The following EFNA5 variants were observed in gnomAD, a reference collection of about 807,000 sequenced individuals.
EFNA5 encodes ephrin-A5.
A neutral mutation model predicts 22.9 loss-of-function variants in EFNA5; 5 were observed. The ratio of observed to expected loss-of-function variants is 0.22; its 90% CI spans 0.11 to 0.46. EFNA5 has a LOEUF of 0.46. Among genes scored for constraint, EFNA5 ranks in the 20% least tolerant of loss-of-function variants. The pLI, the probability that EFNA5 is intolerant of heterozygous loss-of-function variation, is 0.99. For missense variants in EFNA5, 237 were observed against 293.3 expected (o/e 0.81, Z 1.40); for synonymous variants, 113 against 112.2 (o/e 1.01, Z -0.04).
chr5:107,586,350 C>G (rs1749185959), intron 1 of EFNA5, among the ~76,000 whole-genome samples: 3 of 152,144 alleles, frequency 2.0e-5, no homozygotes, highest in Admixed American at 1.3e-4. Flanking sequence ...GTAAACAAAT[C>G]TCCATCCCTA....
At chr5:107,619,982 G>A (rs373152544) in intron 1 of EFNA5, among the ~76,000 whole-genome samples, 1 of 152,126 alleles carries the variant, frequency 6.6e-6, no homozygotes, top group Admixed American at 6.5e-5. Context: ...TCAGCCCGAG[G>A]GCACTAAATG....
chr5:107,411,130 A>T (rs994383244), intron 2 of EFNA5, among the ~76,000 whole-genome samples: 13 of 152,224 alleles, frequency 8.5e-5, no homozygotes, highest in African/African-American at 3.1e-4. Context: ...ATACTGTACA[A>T]CACACTAGAA....
chr5:107,497,033 G>A (rs1747005364), intron 1 of EFNA5, among the ~76,000 whole-genome samples: 1 of 152,164 alleles, frequency 6.6e-6, no homozygotes, highest in South Asian at 2.1e-4. Flanking sequence ...TCCCAAAGTA[G>A]GCACCTGTAG....
chr5:107,622,813 A>T (rs1750061862), intron 1 of EFNA5, among the ~76,000 whole-genome samples: 1 of 151,676 alleles, frequency 6.6e-6, no homozygotes, highest in Non-Finnish European at 1.5e-5. Flanking sequence ...TGAGGTCAGG[A>T]GATCGAGACC....
intron 1 of EFNA5, among the ~76,000 whole-genome samples, chr5:107,539,204 A>T (rs934967811): frequency 9.9e-5 from 15 of 152,218 alleles, no homozygotes; most frequent in African/African-American, 3.1e-4. Flanking sequence ...TTAAGGCCAC[A>T]TGTGCTAATT....
In EFNA5 at chr5:107,528,218, A is replaced by G. The variant is rs17160104; in HGVS notation, c.126-100709T>C. Among the ~76,000 whole-genome samples the G allele has an allele frequency of 2.9e-3, 441 of 152,162 alleles. 9 individuals are homozygous for G. The East Asian group carries it at 0.072, about 25-fold the overall frequency. ...ACAACTGACTGTGATAACAAGAAAA[A>G]ACCTCCATCTTCATCCCCAGAGCTT... On this transcript the variant is annotated intron_variant, in intron 1 of 4. Coordinates refer to ENST00000333274, the MANE Select transcript of EFNA5 (RefSeq NM_001962.3).
At chr5:107,619,313 T>C (rs1749988404) in intron 1 of EFNA5, among the ~76,000 whole-genome samples, 1 of 152,108 alleles carries the variant, frequency 6.6e-6, no homozygotes, top group African/African-American at 2.4e-5. Flanking sequence ...TGTAACTGAA[T>C]ATATTACATA....
At chr5:107,636,373 A>C (rs1234055252) in intron 1 of EFNA5, among the ~76,000 whole-genome samples, 1 of 152,232 alleles carries the variant, frequency 6.6e-6, no homozygotes, top group Non-Finnish European at 1.5e-5. Flanking sequence ...TTAATATTTC[A>C]TGGAGCCCAA....
intron 1 of EFNA5, among the ~76,000 whole-genome samples, chr5:107,569,585 A>ATATATATT (rs1561436021): frequency 1.0e-4 from 4 of 38,536 alleles, no homozygotes; most frequent in Middle Eastern, 0.013. Flanking sequence ...ATATATATAT[A>ATATATATT]TATATATATA....
intron 2 of EFNA5, among the ~76,000 whole-genome samples, chr5:107,397,251 T>C (rs1335641546): frequency 1.3e-5 from 2 of 152,044 alleles, no homozygotes; most frequent in Non-Finnish European, 2.9e-5. Context: ...ACCCTGTCTC[T>C]AATAAGAAAA....
chr5:107,588,986 T>TA (rs1297438313), intron 1 of EFNA5, among the ~76,000 whole-genome samples: 2 of 152,066 alleles, frequency 1.3e-5, no homozygotes, highest in Middle Eastern at 3.2e-3. Flanking sequence ...CAACTTGCTC[T>TA]AAAAAAAGGT....
At chr5:107,440,716 A>G in intron 1 of EFNA5, among the ~76,000 whole-genome samples, 1 of 152,304 alleles carries the variant, frequency 6.6e-6, no homozygotes, top group East Asian at 1.9e-4. Flanking sequence ...CAAGGCAGAC[A>G]GAAAGAGAGA....
intron 1 of EFNA5, among the ~76,000 whole-genome samples, chr5:107,514,228 C>T (rs756626016): frequency 1.4e-4 from 21 of 152,114 alleles, no homozygotes; most frequent in East Asian, 3.9e-4. Flanking sequence ...AGCAGAGAGA[C>T]GGGGCTCCTC....
chr5:107,667,526 C>T (rs1233521608), intron 1 of EFNA5, among the ~76,000 whole-genome samples: 2 of 152,058 alleles, frequency 1.3e-5, no homozygotes, highest in Non-Finnish European at 2.9e-5. Context: ...TGTACTTAAT[C>T]CCTGTGATCA....
At chr5:107,538,512 T>G (rs550204630) in intron 1 of EFNA5, among the ~76,000 whole-genome samples, 1 of 152,252 alleles carries the variant, frequency 6.6e-6, no homozygotes, top group African/African-American at 2.4e-5. Context: ...GTACAATGAA[T>G]GTACAGACAG....
rs143858187 is a variant in EFNA5, at chr5:107,387,647, C to T, written c.484+59G>A. The T allele has an allele frequency of 1.1e-4, 143 of 1,299,120 alleles. No homozygotes were observed. The African/African-American group carries it at 2.0e-3, about 18-fold the overall frequency. The allele number at this position is 1,299,120 out of a possible 1,614,324, so 80.5% of individuals were successfully genotyped here. Reference sequence around the variant, plus strand: ...AAAAGTTTTACCGCCGTGAACCAGACCACACAATAAAGCATGCGCGGTGAA... The same window carrying T: ...AAAAGTTTTACCGCCGTGAACCAGATCACACAATAAAGCATGCGCGGTGAA... On this transcript the variant is annotated intron_variant, in intron 3 of 4. Transcript: ENST00000333274.
intron 1 of EFNA5, among the ~76,000 whole-genome samples, chr5:107,460,932 C>T (rs997063731): frequency 3.3e-5 from 5 of 152,250 alleles, no homozygotes; most frequent in African/African-American, 7.2e-5. Flanking sequence ...CAAAAGGACA[C>T]GGTATTCATT....
chr5:107,435,433 TTTTGTTAA>T (rs1749086349), intron 1 of EFNA5, among the ~76,000 whole-genome samples: 1 of 151,500 alleles, frequency 6.6e-6, no homozygotes. Context: ...CAAATATTTG[TTTTGTTAA>T]TTTTAAATTT....
intron 1 of EFNA5, among the ~76,000 whole-genome samples, chr5:107,633,919 T>C (rs1750315566): frequency 6.6e-6 from 1 of 152,100 alleles, no homozygotes; most frequent in Non-Finnish European, 1.5e-5. Context: ...CAGGGAACAA[T>C]ATTTTAGCAG....
Sources: allele counts gnomAD v4.1 joint callset (sites outside exome capture counted in the v4.1 genomes callset), GRCh38; gene constraint gnomAD v4.1.1; transcripts MANE v1.5; gene names NCBI Gene and HGNC (gene_info 2026-07-23, HGNC 2026-07-21).